Variants in COQ10A observed in about 807,000 individuals in gnomAD.
The protein encoded by COQ10A is coenzyme Q-binding protein COQ10 homolog A, mitochondrial.
In COQ10A, 25 loss-of-function variants were observed where a neutral mutation model predicts 26.1. The ratio of observed to expected loss-of-function variants is 0.96; its 90% CI spans 0.70 to 1.34. The LOEUF (loss-of-function observed/expected upper bound fraction) is 1.34, where lower values mean the gene tolerates loss of function less well. COQ10A is among the 40% of genes most tolerant of loss of function. The pLI is 0.00. For synonymous variants in COQ10A, 132 were observed against 124.0 expected (o/e 1.06, Z -0.43); for missense variants, 312 against 335.4 (o/e 0.93, Z 0.54).
At chr12:56,269,921 C>G in intron 4 of COQ10A, 1 of 568,000 alleles carries the variant, frequency 1.8e-6, no homozygotes, top group Non-Finnish European at 3.1e-6. Flanking sequence ...GCCACCGCAC[C>G]GACCTGACAG....
intron 2 of COQ10A, 195 bp downstream of exon 2, chr12:56,268,135 G>A (rs1872405940): frequency 4.3e-6 from 3 of 702,220 alleles, no homozygotes; most frequent in African/African-American, 1.8e-5. Flanking sequence ...TGCTGTGCAT[G>A]TGCTTAAGTG....
At position 56,270,140 on chromosome 12, in the gene COQ10A, C is replaced by G; in HGVS notation, c.577-10C>G. On this transcript the variant is annotated splice_polypyrimidine_tract_variant and intron_variant, in intron 4 of 4. Transcript: ENST00000308197. ...CTGGAAGTTTCTGACTGTCTCTTACCCATTCCCAGATTTCCTTTGAATTTC... is the reference window on the plus strand; with the variant it reads ...CTGGAAGTTTCTGACTGTCTCTTACGCATTCCCAGATTTCCTTTGAATTTC... The G allele has an allele frequency of 6.2e-7, 1 of 1,612,582 alleles. No homozygotes were observed. Among genetic ancestry groups the G allele is most frequent in the Non-Finnish European group, 8.5e-7 (1 of 1,178,954 alleles).
In COQ10A at chr12:56,267,174, G is replaced by T; in HGVS notation, c.56G>T (p.Arg19Leu). The T allele has an allele frequency of 7.4e-7, 1 of 1,352,920 alleles. No homozygotes were observed. Among genetic ancestry groups the T allele is most frequent in the Non-Finnish European group, 9.4e-7 (1 of 1,058,466 alleles). 83.8% of individuals were successfully genotyped at this position (1,352,920 alleles called of 1,614,324 possible). A position where few individuals can be genotyped will look rare whatever the true frequency, so the allele number is the denominator to read the frequency against. ...VPAGTRAAAE[R>L]CCRLSLSPGA... ...GCTGGGACGCGCGCGGCAGCCGAGCGCTGCTGCCGGCTCTCGCTCAGCCCG... is the reference window on the plus strand; with the variant it reads ...GCTGGGACGCGCGCGGCAGCCGAGCTCTGCTGCCGGCTCTCGCTCAGCCCG... Residue 19 changes from arginine to leucine, a missense_variant, in exon 1 of 5, where the codon CGC (arginine) becomes CTC (leucine). Physicochemically the swap from Arg to Leu is moderately radical, Grantham distance 102. Transcript: ENST00000308197.
At chr12:56,267,723 TCTC>T (rs772377279) in intron 1 of COQ10A, 68 bp from the exon 2 acceptor site, 5 of 1,601,688 alleles carry the variant, frequency 3.1e-6, no homozygotes, top group African/African-American at 1.3e-5. Context: ...GCACTCTTCT[TCTC>T]CTTCACCTAC....
intron 2 of COQ10A, chr12:56,268,215 A>T: frequency 2.3e-6 from 1 of 431,282 alleles, no homozygotes; most frequent in Non-Finnish European, 4.2e-6. Context: ...TCACGCCTGT[A>T]ATCCCAGGAC....
At chr12:56,268,794 C>T in intron 2 of COQ10A, 1 of 374,042 alleles carries the variant, frequency 2.7e-6, no homozygotes, top group Non-Finnish European at 4.9e-6. Context: ...GTAAAACTGA[C>T]AGCCTCTGTT....
In COQ10A at chr12:56,269,194, ACCT is replaced by A; in HGVS notation, c.418_420del (p.Pro140del). 4 of 1,614,194 alleles carry A rather than the reference ACCT, an allele frequency of 2.5e-6. No individual in the cohort carries two copies. Among genetic ancestry groups the A allele is most frequent in the Non-Finnish European group, 3.4e-6 (4 of 1,180,026 alleles). ...AAGCCCAGCTGGAGGTTGGCTTTCC[ACCT>A]GTCATGGAACGTTACACCTCTGCAG... On this transcript the variant is annotated inframe_deletion, in exon 3 of 5. Transcript: ENST00000308197.
At chr12:56,268,789 A>C in intron 2 of COQ10A, 1 of 369,434 alleles carries the variant, frequency 2.7e-6, no homozygotes, top group Non-Finnish European at 5.0e-6. Flanking sequence ...CACCAGTAAA[A>C]CTGACAGCCT....
At chr12:56,268,082 C>A in intron 2 of COQ10A, 142 bp downstream of exon 2, 1 of 1,021,138 alleles carries the variant, frequency 9.8e-7, no homozygotes, top group Non-Finnish European at 1.4e-6. Context: ...GATCCTCAGT[C>A]CTCCCCTGCC....
At chr12:56,267,630 C>T (rs1039092183) in intron 1 of COQ10A, 164 bp from the exon 2 acceptor site, 40 of 1,201,660 alleles carry the variant, frequency 3.3e-5, no homozygotes, top group Non-Finnish European at 4.4e-5. Flanking sequence ...CTTTTGCACT[C>T]GTGACTCCCT....
chr12:56,269,818 G>A (rs1872457435), intron 4 of COQ10A: 1 of 518,126 alleles, frequency 1.9e-6, no homozygotes, highest in African/African-American at 1.9e-5. Flanking sequence ...GTAGAGACGG[G>A]GTTTCACCAT....
Position 56,267,190 on chromosome 12 carries a change from G to A in COQ10A, c.72G>A (p.Ser24=). ...RAAAERCCRL[S]LSPGAQPAPP... ...CAGCCGAGCGCTGCTGCCGGCTCTC[G>A]CTCAGCCCGGGCGCGCAACCGGCCC... is the stretch of plus-strand genomic sequence containing the variant. The change falls in exon 1 of 5, where the codon TCG becomes TCA. Residue 24 remains serine (S), a synonymous_variant. Transcript: ENST00000308197. The A allele has an allele frequency of 7.2e-7, 1 of 1,384,530 alleles. No individual in the cohort carries two copies. The highest frequency in any genetic ancestry group is 9.3e-7 in the Non-Finnish European group (1 of 1,073,396). 85.8% of individuals were successfully genotyped at this position (1,384,530 alleles called of 1,614,324 possible). A position where few individuals can be genotyped will look rare whatever the true frequency, so the allele number is the denominator to read the frequency against.
intron 3 of COQ10A, 79 bp downstream of exon 3, chr12:56,269,330 TGTAA>T: frequency 2.0e-6 from 3 of 1,512,592 alleles, no homozygotes; most frequent in South Asian, 1.1e-5. Context: ...TGGCCTTCCT[TGTAA>T]GTACTTTATG....
rs781547016 is a variant in COQ10A at position 56,267,863 on chromosome 12, T to G, written c.204T>G (p.Pro68=). The G allele has an allele frequency of 4.2e-5, 67 of 1,614,066 alleles. 1 individual carries two copies. Among genetic ancestry groups the G allele is most frequent in the Admixed American group, 3.2e-4 (19 of 60,002 alleles). ...AQILAAEAGL[P]SSRSFMGFAA... ...TCTTGGCGGCTGAGGCTGGCTTACC[T>G]TCGAGCCGTTCCTTCATGGGATTTG... The change falls in exon 2 of 5, where the codon CCT becomes CCG. Residue 68 remains proline (P), a synonymous_variant. Transcript: ENST00000308197.
At chr12:56,267,365 T>C in intron 1 of COQ10A, 113 bp downstream of exon 1, 1 of 1,613,748 alleles carries the variant, frequency 6.2e-7, no homozygotes, top group African/African-American at 1.3e-5. Flanking sequence ...GCAGCAATCA[T>C]GCCCTGGGAG....
intron 1 of COQ10A, chr12:56,267,483 G>A (rs773995902): frequency 3.1e-6 from 5 of 1,608,262 alleles, no homozygotes; most frequent in South Asian, 1.1e-5. Context: ...GGGGTCCCCG[G>A]GGACAGTGAT....
Position 56,267,130 on chromosome 12 carries a change from G to T in COQ10A, c.12G>T (p.Ala4=), listed in dbSNP as rs1872369972. The part of the protein sequence containing the change: MAW[A]GSRRVPAGTR... ...GCAGGGTCGCGCGCATGGCCTGGGC[G>T]GGCTCGCGGCGGGTCCCAGCTGGGA... Residue 4 remains alanine, a synonymous_variant, in exon 1 of 5, where the codon GCG becomes GCT. Coordinates refer to ENST00000308197, the MANE Select transcript of COQ10A (RefSeq NM_144576.4). The T allele has an allele frequency of 7.7e-7, 1 of 1,300,478 alleles. No homozygotes were observed. The highest frequency in any genetic ancestry group is 9.7e-7 in the Non-Finnish European group (1 of 1,029,952). The allele number at this position is 1,300,478 out of a possible 1,614,324, so 80.6% of individuals were successfully genotyped here.
At chr12:56,269,036 G>GC (rs1565617014) in intron 2 of COQ10A, 23 bp from the exon 3 acceptor site, 1 of 1,608,576 alleles carries the variant, frequency 6.2e-7, no homozygotes, top group East Asian at 2.2e-5. Flanking sequence ...CAGCTCCTTG[G>GC]CCTGTGATTC....
chr12:56,270,072 G>A, intron 4 of COQ10A, 78 bp from the exon 5 acceptor site: 1 of 1,446,210 alleles, frequency 6.9e-7, no homozygotes, highest in South Asian at 1.3e-5. Context: ...AAGGCACTGA[G>A]GAACAGTTTC....
Sources: gnomAD v4.1 joint callset for allele counts on GRCh38, gnomAD v4.1.1 for gene constraint, MANE v1.5 for transcripts, NCBI Gene and HGNC (gene_info 2026-07-23, HGNC 2026-07-21) for gene names.